The following RBPJ variants were observed in gnomAD, a reference collection of about 807,000 sequenced individuals.
The protein encoded by RBPJ is recombination signal binding protein for immunoglobulin kappa J region, also known as recombining binding protein suppressor of hairless.
A neutral mutation model predicts 67.8 loss-of-function variants in RBPJ; 9 were observed. That is an observed-to-expected ratio of 0.13 (90% CI 0.08 to 0.23). The LOEUF (loss-of-function observed/expected upper bound fraction) is 0.23. Ranked by LOEUF, RBPJ falls within the 10% of genes least tolerant of loss-of-function variation. RBPJ has a pLI of 1.00. For missense variants in RBPJ, 305 were observed against 595.6 expected (o/e 0.51, Z 5.08); for synonymous variants, 198 against 203.3 (o/e 0.97, Z 0.22).
At chr4:26,232,526 T>C (rs1050274220) in intron 1 of RBPJ, among the ~76,000 whole-genome samples, 1 of 152,196 alleles carries the variant, frequency 6.6e-6, no homozygotes, top group Non-Finnish European at 1.5e-5. Flanking sequence ...CCAATTAAGT[T>C]TAAAATTTCT....
At chr4:26,416,031 G>A (rs765124848) in intron 4 of RBPJ, among the ~76,000 whole-genome samples, 2 of 152,090 alleles carry the variant, frequency 1.3e-5, no homozygotes, top group Admixed American at 6.6e-5. Flanking sequence ...TACTAGACAC[G>A]ATGATATATA....
At chr4:26,178,116 T>C (rs1409292669) in intron 1 of RBPJ, among the ~76,000 whole-genome samples, 1 of 152,238 alleles carries the variant, frequency 6.6e-6, no homozygotes. Flanking sequence ...AAGACATTTT[T>C]ATCAGACCAT....
Position 26,426,542 on chromosome 4 carries a change from A to G in RBPJ, c.747+1799A>G, listed in dbSNP as rs1029078911. 2.6e-5 allele frequency among the ~76,000 whole-genome samples: 4 copies of G among 152,228 alleles called. No individual in the cohort carries two copies. In the East Asian group the frequency reaches 7.7e-4, roughly 29 times the overall value. ...TCATGACAGGAATTCTGACATGCAA[A>G]GTCGAGTGCCTCTCGTCATTGAGTT... is the stretch of plus-strand genomic sequence containing the variant. On this transcript the variant is annotated intron_variant, in intron 7 of 10. Coordinates refer to ENST00000355476, the MANE Select transcript of RBPJ (RefSeq NM_015874.6).
At chr4:26,164,979 T>A (rs1716211912) in intron 1 of RBPJ, among the ~76,000 whole-genome samples, 1 of 152,200 alleles carries the variant, frequency 6.6e-6, no homozygotes, top group African/African-American at 2.4e-5. Context: ...AGACAAACAA[T>A]GGACTAGTTA....
rs1286706009 is a variant in RBPJ at position 26,214,921 on chromosome 4, AAAGG to A, written c.-167+51317_-167+51320del. 5.2e-3 allele frequency among the ~76,000 whole-genome samples: 389 copies of A among 75,464 alleles called. 6 individuals carry two copies. Among genetic ancestry groups the A allele is most frequent in the African/African-American group, 0.015 (377 of 25,322 alleles). The allele number at this position is 75,464 out of a possible 152,430, so 49.5% of individuals were successfully genotyped here. On this transcript the variant is annotated intron_variant, in intron 1 of 4. Coordinates refer to the RBPJ transcript ENST00000512351. Reference sequence around the variant, plus strand: ...GAGAAAAAGAAAGAAAAAAGAGAAAAAAGGAAGGAAGGAGGGAGGGAGGAAGGAC... The same window carrying A: ...GAGAAAAAGAAAGAAAAAAGAGAAAAAAGGAAGGAGGGAGGGAGGAAGGAC...
At chr4:26,111,304 A>G in the RBPJ span, among the ~76,000 whole-genome samples, 1 of 152,138 alleles carries the variant, frequency 6.6e-6, no homozygotes, top group East Asian at 1.9e-4. Flanking sequence ...GCAGCTCTCC[A>G]AACACTTTCC....
chr4:26,165,963 G>A (rs141913220), intron 1 of RBPJ, among the ~76,000 whole-genome samples: 121 of 149,896 alleles, frequency 8.1e-4, no homozygotes, highest in African/African-American at 2.7e-3. Flanking sequence ...GAGAACATGC[G>A]GTGTTTGGTT....
intron 1 of RBPJ, among the ~76,000 whole-genome samples, chr4:26,199,198 C>T (rs1399549641): frequency 6.6e-6 from 1 of 152,166 alleles, no homozygotes; most frequent in African/African-American, 2.4e-5. Flanking sequence ...ATAATCTCAG[C>T]ACTTTGGGAG....
At chr4:26,412,534 G>T (rs996462695) in intron 3 of RBPJ, among the ~76,000 whole-genome samples, 8 of 152,108 alleles carry the variant, frequency 5.3e-5, no homozygotes, top group African/African-American at 1.9e-4. Context: ...ACCCAGCCTG[G>T]AGCATTTTAG....
intron 1 of RBPJ, among the ~76,000 whole-genome samples, chr4:26,369,038 G>C (rs933484065): frequency 1.3e-5 from 2 of 152,108 alleles, no homozygotes; most frequent in Non-Finnish European, 2.9e-5. Context: ...GTTGACTCCT[G>C]TAACTCCATC....
At chr4:26,129,199 A>G in the RBPJ span, among the ~76,000 whole-genome samples, 1 of 152,220 alleles carries the variant, frequency 6.6e-6, no homozygotes, top group Non-Finnish European at 1.5e-5. Flanking sequence ...TCAGAGAAGT[A>G]AATTAATAAT....
At chr4:26,145,916 T>C in the RBPJ span, among the ~76,000 whole-genome samples, 1 of 152,098 alleles carries the variant, frequency 6.6e-6, no homozygotes, top group Non-Finnish European at 1.5e-5. Context: ...AATAAGTTCT[T>C]TTATTTTGGT....
intron 1 of RBPJ, among the ~76,000 whole-genome samples, chr4:26,196,001 G>A (rs1431706374): frequency 2.0e-5 from 3 of 152,146 alleles, no homozygotes; most frequent in Non-Finnish European, 4.4e-5. Flanking sequence ...CAGAGAGAGA[G>A]AGAAGAGAGA....
chr4:26,393,753 C>T (rs1051650723), intron 2 of RBPJ, among the ~76,000 whole-genome samples: 1 of 151,430 alleles, frequency 6.6e-6, no homozygotes, highest in African/African-American at 2.4e-5. Flanking sequence ...ATTTTAGTAT[C>T]TTTTATTTTA....
At chr4:26,177,567 G>A (rs1716838516) in intron 1 of RBPJ, among the ~76,000 whole-genome samples, 1 of 151,486 alleles carries the variant, frequency 6.6e-6, no homozygotes, top group African/African-American at 2.4e-5. Context: ...ACAAAGGGGA[G>A]ACCCTGTCTC....
At chr4:26,253,473 G>A (rs907343801) in intron 1 of RBPJ, among the ~76,000 whole-genome samples, 1 of 149,826 alleles carries the variant, frequency 6.7e-6, no homozygotes, top group Admixed American at 6.6e-5. Flanking sequence ...CACTACGCCC[G>A]GCTAATTTTT....
chr4:26,352,565 C>T (rs946235387), intron 1 of RBPJ, among the ~76,000 whole-genome samples: 8 of 152,216 alleles, frequency 5.3e-5, no homozygotes, highest in Middle Eastern at 3.4e-3. Flanking sequence ...TTTGGGAGGC[C>T]GAGGTGGGTG....
At chr4:26,332,016 T>C (rs1560271712) in intron 1 of RBPJ, among the ~76,000 whole-genome samples, 2 of 152,260 alleles carry the variant, frequency 1.3e-5, no homozygotes, top group Non-Finnish European at 1.5e-5. Flanking sequence ...GGCAATATTA[T>C]TCTCTTGACT....
chr4:26,232,767 TG>T (rs1029388354), intron 1 of RBPJ, among the ~76,000 whole-genome samples: 34 of 152,230 alleles, frequency 2.2e-4, no homozygotes, highest in African/African-American at 8.2e-4. Context: ...GTTCCACAGT[TG>T]TGTGGCTGGG....
Sources: gnomAD v4.1 joint callset for allele counts (sites outside exome capture counted in the v4.1 genomes callset) on GRCh38, gnomAD v4.1.1 for gene constraint, MANE v1.5 for transcripts, NCBI Gene and HGNC (gene_info 2026-07-23, HGNC 2026-07-21) for gene names.